The following PTPRD variants were observed in gnomAD, a reference collection of about 807,000 sequenced individuals.
PTPRD encodes the protein protein tyrosine phosphatase receptor type D, also known as receptor-type tyrosine-protein phosphatase delta.
PTPRD carries 34 observed loss-of-function variants against 214.5 expected under a neutral mutation model. The ratio of observed to expected loss-of-function variants is 0.16; its 90% CI spans 0.12 to 0.21. The LOEUF (loss-of-function observed/expected upper bound fraction) is 0.21. PTPRD is among the 10% of genes least tolerant of loss of function. The pLI is 1.00. For missense variants in PTPRD, 2,545 were observed against 2,398.7 expected, an observed-to-expected ratio of 1.06 and a Z score of -1.27; for synonymous variants, 1,128 against 845.7, an observed-to-expected ratio of 1.33 and a Z score of -5.79.
intron 7 of PTPRD, among the ~76,000 whole-genome samples, chr9:9,691,005 T>C (rs910584362): frequency 6.6e-6 from 1 of 151,976 alleles, no homozygotes; most frequent in Admixed American, 6.6e-5. Flanking sequence ...AGAGTGTCAT[T>C]CTTTTTAATT....
chr9:8,489,016 T>G (rs1030536584), intron 27 of PTPRD, among the ~76,000 whole-genome samples: 26 of 152,216 alleles, frequency 1.7e-4, no homozygotes, highest in African/African-American at 6.0e-4. Context: ...GAGATGCACG[T>G]AAAGCTAGGA....
At chr9:8,362,621 T>C (rs929752758) in intron 39 of PTPRD, among the ~76,000 whole-genome samples, 5 of 152,214 alleles carry the variant, frequency 3.3e-5, no homozygotes, top group African/African-American at 4.8e-5. Flanking sequence ...AACCAAAATT[T>C]GGACTGAAGT....
chr9:10,336,213 C>T (rs908808729), intron 3 of PTPRD, among the ~76,000 whole-genome samples: 1 of 151,678 alleles, frequency 6.6e-6, no homozygotes, highest in Non-Finnish European at 1.5e-5. Flanking sequence ...AAGTGAAAGA[C>T]TTAAGTCTTT....
rs561645033 is a variant in PTPRD, at chr9:8,422,341, A to G, written c.4086+14251T>C. On this transcript the variant is annotated intron_variant, in intron 35 of 45. Transcript: ENST00000381196. ...TAATGTTTATAATTTGGGTTCTCAC[A>G]TAGAAAAACAAACATCCTTAACGTT... Among the ~76,000 whole-genome samples, 10 of 152,234 alleles carry G rather than the reference A, an allele frequency of 6.6e-5. No homozygotes were observed. In the South Asian group the frequency reaches 8.3e-4, roughly 13 times the overall value.
chr9:9,316,791 C>T (rs973808874), intron 9 of PTPRD, among the ~76,000 whole-genome samples: 15 of 152,086 alleles, frequency 9.9e-5, no homozygotes, highest in African/African-American at 2.9e-4. Context: ...TTATTGTCAT[C>T]GTATGGTAAA....
chr9:8,702,109 GC>G (rs1192327033), intron 12 of PTPRD, among the ~76,000 whole-genome samples: 4 of 151,962 alleles, frequency 2.6e-5, no homozygotes, highest in African/African-American at 9.7e-5. Context: ...ACTTTTTGTA[GC>G]TTTTGTTCTC....
chr9:8,639,993 C>T (rs556693174), intron 12 of PTPRD, among the ~76,000 whole-genome samples: 99 of 152,228 alleles, frequency 6.5e-4, no homozygotes, highest in African/African-American at 2.2e-3. Flanking sequence ...TGCAGTGGCA[C>T]GATCAAAGCT....
intron 14 of PTPRD, among the ~76,000 whole-genome samples, chr9:8,560,490 T>C (rs770488986): frequency 6.7e-5 from 10 of 149,890 alleles, no homozygotes; most frequent in African/African-American, 1.3e-4. Context: ...CACTGTTTCA[T>C]TGTCAAGGCT....
chr9:9,249,522 T>C (rs1330185720), intron 9 of PTPRD, among the ~76,000 whole-genome samples: 2 of 152,094 alleles, frequency 1.3e-5, no homozygotes, highest in Admixed American at 6.6e-5. Context: ...TTATTATACC[T>C]CATAAACTTA....
chr9:8,860,430 A>G (rs1304833505), intron 11 of PTPRD: 1 of 152,260 alleles, frequency 6.6e-6, no homozygotes, highest in Non-Finnish European at 1.5e-5. Flanking sequence ...CTCTACTACA[A>G]CCAAACATCA....
At chr9:8,657,783 T>C (rs900472241) in intron 12 of PTPRD, among the ~76,000 whole-genome samples, 2 of 152,206 alleles carry the variant, frequency 1.3e-5, no homozygotes, top group African/African-American at 4.8e-5. Flanking sequence ...TCTGCAGAAA[T>C]TGGCACATGG....
At chr9:8,938,360 GTT>G (rs1192102786) in intron 11 of PTPRD, among the ~76,000 whole-genome samples, 6 of 152,006 alleles carry the variant, frequency 3.9e-5, no homozygotes, top group African/African-American at 1.4e-4. Flanking sequence ...CACAGCTACG[GTT>G]TCTGAGCTGA....
At chr9:9,925,524 GT>G (rs1427019973) in intron 5 of PTPRD, among the ~76,000 whole-genome samples, 1 of 151,888 alleles carries the variant, frequency 6.6e-6, no homozygotes, top group South Asian at 2.1e-4. Flanking sequence ...CTTCACATTA[GT>G]TTTTTTAAAG....
chr9:9,090,843 A>G (rs1177045073), intron 10 of PTPRD: 3 of 786,252 alleles, frequency 3.8e-6, no homozygotes, highest in Non-Finnish European at 6.8e-6. Flanking sequence ...TCCATTGACA[A>G]TGATGACAGG....
At chr9:8,698,723 A>G (rs574370317) in intron 12 of PTPRD, among the ~76,000 whole-genome samples, 1 of 152,174 alleles carries the variant, frequency 6.6e-6, no homozygotes, top group East Asian at 1.9e-4. Context: ...GCATACAGAA[A>G]TACTCCGGCA....
intron 5 of PTPRD, among the ~76,000 whole-genome samples, chr9:9,927,221 T>C (rs1421884808): frequency 1.3e-5 from 2 of 152,132 alleles, no homozygotes; most frequent in Non-Finnish European, 2.9e-5. Flanking sequence ...ATGTAAACTA[T>C]ACCCACTGCT....
intron 4 of PTPRD, among the ~76,000 whole-genome samples, chr9:10,002,528 A>C (rs2096351223): frequency 6.6e-6 from 1 of 151,156 alleles, no homozygotes; most frequent in South Asian, 2.1e-4. Context: ...AAAGAAAACT[A>C]AAGTGTCTAC....
At chr9:9,757,229 C>T (rs946979685) in intron 6 of PTPRD, among the ~76,000 whole-genome samples, 1 of 152,132 alleles carries the variant, frequency 6.6e-6, no homozygotes, top group Non-Finnish European at 1.5e-5. Context: ...TTATTCTCTG[C>T]TTGAAAACAT....
intron 3 of PTPRD, among the ~76,000 whole-genome samples, chr9:10,321,265 C>T (rs1475246913): frequency 2.0e-5 from 3 of 151,998 alleles, no homozygotes; most frequent in African/African-American, 7.2e-5. Context: ...CTAACAGAAA[C>T]TGCAGAGTTA....
Sources: allele counts gnomAD v4.1 joint callset (sites outside exome capture counted in the v4.1 genomes callset), GRCh38; gene constraint gnomAD v4.1.1; transcripts MANE v1.5; gene names NCBI Gene and HGNC (gene_info 2026-07-23, HGNC 2026-07-21).